The following INF2 variants were observed in gnomAD, a reference collection of about 807,000 sequenced individuals.
INF2 encodes the protein inverted formin-2.
INF2 carries 43 observed loss-of-function variants against 123.5 expected under a neutral mutation model. That is an observed-to-expected ratio of 0.35 (90% CI 0.27 to 0.45). The LOEUF is 0.45. INF2 is among the 20% of genes least tolerant of loss of function. The pLI, the probability that INF2 is intolerant of heterozygous loss-of-function variation, is 1.00. For missense variants in INF2, 1,453 were observed against 1,682.7 expected, an observed-to-expected ratio of 0.86 and a Z score of 2.39; for synonymous variants, 851 against 745.0, an observed-to-expected ratio of 1.14 and a Z score of -2.32.
chr14:104,713,353 C>G, intron 19 of INF2, 44 bp downstream of exon 19: 1 of 1,555,692 alleles, frequency 6.4e-7, no homozygotes, highest in Non-Finnish European at 8.7e-7. Flanking sequence ...ACTCTGGGAT[C>G]CTTGTCTGTG....
intron 1 of INF2, among the ~76,000 whole-genome samples, chr14:104,697,890 G>A (rs953561100): frequency 2.9e-4 from 44 of 152,332 alleles, no homozygotes; most frequent in Non-Finnish European, 1.9e-4. Context: ...GGACTGCCGG[G>A]GGGGGTGGAT....
chr14:104,710,034 G>A, intron 12 of INF2, 54 bp from the exon 13 acceptor site: 2 of 1,429,012 alleles, frequency 1.4e-6, no homozygotes, highest in South Asian at 2.4e-5. Context: ...GTGCCCCTCT[G>A]GCAGGGACAG....
chr14:104,705,892 T>C lies in INF2; in HGVS notation c.702-143T>C, dbSNP rs948178217. On this transcript the variant is annotated intron_variant, in intron 5 of 22. Transcript: ENST00000392634. ...GCTATCCCTGGCTATGTGGGTCACA[T>C]GTCAGCCACAGCTGGCTATGGCCTG... The C allele has an allele frequency of 2.9e-6, 3 of 1,035,198 alleles. No individual in the cohort carries two copies. The Admixed American group carries it at 7.0e-5, about 24-fold the overall frequency. 64.1% of individuals were successfully genotyped at this position (1,035,198 alleles called of 1,614,324 possible). A position where few individuals can be genotyped will look rare whatever the true frequency, so the allele number is the denominator to read the frequency against.
chr14:104,708,940 C>T (rs540511517), intron 10 of INF2, among the ~76,000 whole-genome samples: 54 of 152,332 alleles, frequency 3.5e-4, no homozygotes, highest in African/African-American at 1.3e-3. Flanking sequence ...GGACCTCCCC[C>T]CACAAGGCCA....
intron 16 of INF2, 46 bp downstream of exon 16, chr14:104,711,745 T>C (rs572390358): frequency 2.9e-5 from 45 of 1,575,462 alleles, no homozygotes; most frequent in Non-Finnish European, 3.8e-5. Flanking sequence ...GGTGGGGGCC[T>C]GACTTCTGTC....
chr14:104,712,390 C>G (rs536336253), intron 16 of INF2, 43 bp from the exon 17 acceptor site: 1 of 1,610,146 alleles, frequency 6.2e-7, no homozygotes, highest in Non-Finnish European at 8.5e-7. Context: ...GCGAGGCTGA[C>G]GTCAGCCGTT....
chr14:104,711,025 C>T lies in INF2; in HGVS notation c.2310+18C>T, dbSNP rs781699270. On this transcript the variant is annotated intron_variant, in intron 14 of 22. Coordinates refer to ENST00000392634, the MANE Select transcript of INF2 (RefSeq NM_022489.4). ...TCAACTACGTAAGTCAGGGGCAGCT[C>T]CCCATCCCACCTGGTGCCAGGGGCT... 3 of 1,611,466 alleles carry T rather than the reference C, an allele frequency of 1.9e-6. No individual in the cohort carries two copies. The South Asian group carries it at 3.3e-5, about 18-fold the overall frequency.
intron 1 of INF2, among the ~76,000 whole-genome samples, chr14:104,695,333 G>A (rs1889133887): frequency 6.6e-6 from 1 of 152,052 alleles, no homozygotes; most frequent in African/African-American, 2.4e-5. Context: ...CCTCTCCCTG[G>A]GCCCCCAGAC....
Position 104,707,034 on chromosome 14 carries a change from T to C in INF2, c.968T>C (p.Val323Ala), listed in dbSNP as rs1889811693. Residue 323 changes from valine to alanine, a missense_variant, in exon 7 of 23, where the codon GTG (valine) becomes GCG (alanine). Physicochemically the swap from Val to Ala is moderately conservative, Grantham distance 64 (BLOSUM62 0). This residue lies in a region of INF2 where 374 missense variants were observed against 303.7 expected (regional missense o/e 1.23). Transcript: ENST00000392634. ...CTGGAGAGCCTCGTGAACCGGGCCG[T>C]GCTCCTGGCCAGCGATGGTGAGGGG... ...EALESLVNRA[V>A]LLASDAQECT... is the part of the protein sequence containing the mutation. The C allele has an allele frequency of 1.3e-6, 2 of 1,583,614 alleles. No homozygotes were observed. The highest frequency in any genetic ancestry group is 8.5e-7 in the Non-Finnish European group (1 of 1,173,010).
At chr14:104,713,926 C>T (rs1890171464) in intron 20 of INF2, among the ~76,000 whole-genome samples, 1 of 152,234 alleles carries the variant, frequency 6.6e-6, no homozygotes, top group South Asian at 2.1e-4. Context: ...CTAGAGGTGG[C>T]AGGAAAGGCA....
At chr14:104,698,214 C>T (rs892903037) in intron 1 of INF2, among the ~76,000 whole-genome samples, 3 of 152,262 alleles carry the variant, frequency 2.0e-5, no homozygotes, top group Non-Finnish European at 2.9e-5. Flanking sequence ...ATGAGACTCC[C>T]GCCCCCTTCC....
intron 5 of INF2, chr14:104,704,153 G>C (rs1889667358): frequency 1.4e-6 from 2 of 1,445,644 alleles, no homozygotes; most frequent in Admixed American, 5.2e-5. Flanking sequence ...GCTGCCCACA[G>C]AAACTAGGGT....
At chr14:104,697,253 G>A (rs779908768) in intron 1 of INF2, among the ~76,000 whole-genome samples, 22 of 152,222 alleles carry the variant, frequency 1.4e-4, no homozygotes, top group Admixed American at 3.3e-4. Context: ...GGCCCTCCTC[G>A]CCTGGCTCCT....
Position 104,699,549 on chromosome 14 carries a change from A to G in INF2, c.-9-1808A>G, listed in dbSNP as rs1279291492. Reference sequence around the variant, plus strand: ...GGGAGCGTGAGGAGCAGCCCAGGACAGGGCCCAGAGTGGGTGGGCAGAGGT... The same window carrying G: ...GGGAGCGTGAGGAGCAGCCCAGGACGGGGCCCAGAGTGGGTGGGCAGAGGT... On this transcript the variant is annotated intron_variant, in intron 1 of 22. Coordinates refer to ENST00000392634, the MANE Select transcript of INF2 (RefSeq NM_022489.4). This position sits in a 1 kb window ranked among gnomAD's most constrained non-coding sequence, Gnocchi z 4.7. 1 of 984,902 alleles carries G rather than the reference A, an allele frequency of 1.0e-6. No homozygotes were observed. The highest frequency in any genetic ancestry group is 1.1e-4 in the East Asian group (1 of 8,744). 61.0% of individuals were successfully genotyped at this position (984,902 alleles called of 1,614,324 possible). A position where few individuals can be genotyped will look rare whatever the true frequency, so the allele number is the denominator to read the frequency against.
Position 104,707,708 on chromosome 14 carries a change from C to A in INF2, c.1441C>A (p.Pro481Thr). 4 of 1,249,596 alleles carry A rather than the reference C, an allele frequency of 3.2e-6. No individual in the cohort carries two copies. Among genetic ancestry groups the A allele is most frequent in the Non-Finnish European group, 4.5e-6 (4 of 893,420 alleles). The allele number at this position is 1,249,596 out of a possible 1,614,324, so 77.4% of individuals were successfully genotyped here. A position where few individuals can be genotyped will look rare whatever the true frequency, so the allele number is the denominator to read the frequency against. ...AGCACCTCCTCTACCACCACCCCTGCCAGGCTCCTGTGAGTTCCTGCCCCC... is the reference window on the plus strand; with the variant it reads ...AGCACCTCCTCTACCACCACCCCTGACAGGCTCCTGTGAGTTCCTGCCCCC... ...PPAPPLPPPL[P>T]GSCEFLPPPP... The change falls in exon 8 of 23, where the codon CCA becomes ACA. Residue 481 changes from proline to threonine, a missense_variant. By Grantham distance (38) the Pro-to-Thr change is conservative. Around this residue, in one of 8 missense-constraint regions of INF2, gnomAD observed 374 missense variants for 303.7 expected, o/e 1.23. Transcript: ENST00000392634.
At position 104,718,766 on chromosome 14, in the gene INF2, A is replaced by C. The variant is rs374763306; in HGVS notation, c.*2-29A>C. The C allele has an allele frequency of 5.6e-6, 9 of 1,612,020 alleles. No homozygotes were observed. In the Admixed American group the frequency reaches 1.5e-4, roughly 27 times the overall value. On this transcript the variant is annotated intron_variant, in intron 22 of 22. Coordinates refer to ENST00000392634, the MANE Select transcript of INF2 (RefSeq NM_022489.4). ...TATTGTACCCAGCAAAACTGCTCCT[A>C]ATAATGTCATTTTTTCTCTCTCTTA...
intron 6 of INF2, among the ~76,000 whole-genome samples, chr14:104,706,668 C>T (rs559317844): frequency 1.9e-4 from 29 of 152,276 alleles, no homozygotes; most frequent in African/African-American, 6.7e-4. Context: ...TTGGCTGCCA[C>T]GGCTGGGCAG....
rs1291430885 is a variant in INF2 at position 104,707,286 on chromosome 14, G to A, written c.1019G>A (p.Arg340Gln). ...TGCACCCTGGAGGAAGTGGTTGAGC[G>A]GCTCCTGTCTGTCAAGGGGCGACCC... ...QECTLEEVVE[R>Q]LLSVKGRPRP... Residue 340 changes from arginine to glutamine, a missense_variant, in exon 8 of 23, where the codon CGG becomes CAG. Physicochemically the swap from Arg to Gln is conservative, Grantham distance 43. Coordinates refer to ENST00000392634, the MANE Select transcript of INF2 (RefSeq NM_022489.4). 4.3e-6 allele frequency: 7 copies of A among 1,609,350 alleles called. No individual in the cohort carries two copies. The highest frequency in any genetic ancestry group is 1.3e-5 in the African/African-American group (1 of 74,790).
chr14:104,717,258 C>T (rs569135510), intron 22 of INF2, among the ~76,000 whole-genome samples: 89 of 139,182 alleles, frequency 6.4e-4, no homozygotes, highest in Non-Finnish European at 1.2e-3. Flanking sequence ...CCTCCCAGTC[C>T]GCCCCCACCG....
Sources: gnomAD v4.1 joint callset for allele counts (sites outside exome capture counted in the v4.1 genomes callset) on GRCh38, gnomAD v4.1.1 for gene constraint, gnomAD v4.1.1 regional missense constraint, Gnocchi (gnomAD v3.1) non-coding constraint, MANE v1.5 for transcripts, NCBI Gene and HGNC (gene_info 2026-07-23, HGNC 2026-07-21) for gene names.